The following PTPRD variants were observed in gnomAD, a reference collection of about 807,000 sequenced individuals.
PTPRD encodes the protein receptor-type tyrosine-protein phosphatase delta.
A neutral mutation model predicts 214.5 loss-of-function variants in PTPRD; 34 were observed. That is an observed-to-expected ratio of 0.16 (90% CI 0.12 to 0.21). The LOEUF is 0.21. Among genes scored for constraint, PTPRD ranks in the 10% least tolerant of loss-of-function variants. PTPRD has a pLI of 1.00. For missense variants in PTPRD, 2,545 were observed against 2,398.7 expected (o/e 1.06, Z -1.27); for synonymous variants, 1,128 against 845.7 (o/e 1.33, Z -5.79).
intron 12 of PTPRD, among the ~76,000 whole-genome samples, chr9:8,666,824 C>G (rs569171804): frequency 4.6e-5 from 7 of 152,154 alleles, no homozygotes; most frequent in Non-Finnish European, 1.0e-4. Context: ...CTGGATTCAA[C>G]AATACATATC....
intron 8 of PTPRD, among the ~76,000 whole-genome samples, chr9:9,567,616 G>A (rs546063271): frequency 6.6e-6 from 1 of 151,960 alleles, no homozygotes; most frequent in African/African-American, 2.4e-5. Context: ...GAAGGATGTA[G>A]TACACCAACA....
intron 3 of PTPRD, among the ~76,000 whole-genome samples, chr9:10,093,480 T>G (rs971091436): frequency 4.9e-4 from 74 of 151,516 alleles, no homozygotes; most frequent in African/African-American, 1.7e-3. Context: ...AAAACGGGAA[T>G]GCTTATACTC....
chr9:9,577,704 C>T (rs2089362936), intron 7 of PTPRD, among the ~76,000 whole-genome samples: 2 of 151,956 alleles, frequency 1.3e-5, no homozygotes, highest in Non-Finnish European at 2.9e-5. Flanking sequence ...AGAGTTTTAT[C>T]CTTGATAAAT....
intron 10 of PTPRD, among the ~76,000 whole-genome samples, chr9:9,088,581 GAAAAAAAA>G (rs533619970): frequency 6.1e-4 from 20 of 33,038 alleles, no homozygotes; most frequent in Admixed American, 1.6e-3. Flanking sequence ...CTTAGTCTCA[GAAAAAAAA>G]AAAAAAAAAA....
chr9:8,772,182 C>A (rs933144508), intron 11 of PTPRD, among the ~76,000 whole-genome samples: 3 of 151,932 alleles, frequency 2.0e-5, no homozygotes, highest in African/African-American at 4.8e-5. Flanking sequence ...GGCCAGAACT[C>A]TTTTAAATTC....
At chr9:8,424,736 G>A (rs1056575544) in intron 35 of PTPRD, among the ~76,000 whole-genome samples, 1 of 152,140 alleles carries the variant, frequency 6.6e-6, no homozygotes, top group Non-Finnish European at 1.5e-5. Flanking sequence ...AATGAGTGAA[G>A]GGAGGAGGGA....
At chr9:8,994,392 G>GTCAATGAAAA (rs2099388623) in intron 11 of PTPRD, among the ~76,000 whole-genome samples, 1 of 152,134 alleles carries the variant, frequency 6.6e-6, no homozygotes, top group East Asian at 1.9e-4. Context: ...TGCTTAGTAA[G>GTCAATGAAAA]CAGTACATGT....
chr9:8,962,030 T>G (rs939949543), intron 11 of PTPRD: 14 of 152,154 alleles, frequency 9.2e-5, no homozygotes, highest in Non-Finnish European at 1.5e-5. Flanking sequence ...CTCCCCTTTA[T>G]GTCAACATGG....
rs138020918 is a variant in PTPRD, at chr9:10,477,306, T to A, written c.-600+135092A>T. Among the ~76,000 whole-genome samples, 1,116 of 151,964 alleles carry A rather than the reference T, an allele frequency of 7.3e-3. 11 individuals are homozygous for A. Among genetic ancestry groups the A allele is most frequent in the Non-Finnish European group, 0.011 (757 of 67,960 alleles). On this transcript the variant is annotated intron_variant, in intron 2 of 45. Transcript: ENST00000381196. ...TACAAGAAAAAAATAAACAACCCCA[T>A]CAAAGAGTGGGTGAAATTTGTGAAC...
At chr9:9,445,073 G>A (rs1312491841) in intron 8 of PTPRD, among the ~76,000 whole-genome samples, 1 of 152,140 alleles carries the variant, frequency 6.6e-6, no homozygotes, top group East Asian at 1.9e-4. Flanking sequence ...CATGTGATAT[G>A]ACAATTTGTA....
chr9:10,573,032 G>C (rs557589424), intron 2 of PTPRD, among the ~76,000 whole-genome samples: 1 of 152,024 alleles, frequency 6.6e-6, no homozygotes, highest in Non-Finnish European at 1.5e-5. Flanking sequence ...AGTGATTGTT[G>C]AGTTGTCAAC....
At chr9:8,885,079 A>C (rs1046950186) in intron 11 of PTPRD, among the ~76,000 whole-genome samples, 7 of 152,206 alleles carry the variant, frequency 4.6e-5, no homozygotes, top group Non-Finnish European at 8.8e-5. Flanking sequence ...GTGTTGAATA[A>C]AATAGAAACA....
At position 10,479,050 on chromosome 9, in the gene PTPRD, T is replaced by C. The variant is rs550112754; in HGVS notation, c.-600+133348A>G. ...AACATTACACAATTTTCACAGAAGT[T>C]ACAGTGTAATTAAGTCAGAAGCAAA... On this transcript the variant is annotated intron_variant, in intron 2 of 45. Transcript: ENST00000381196. Among the ~76,000 whole-genome samples, 3 of 152,244 alleles carry C rather than the reference T, an allele frequency of 2.0e-5. No homozygotes were observed. The South Asian group carries it at 6.2e-4, about 32-fold the overall frequency.
intron 5 of PTPRD, among the ~76,000 whole-genome samples, chr9:9,866,749 T>G (rs1017781711): frequency 3.9e-5 from 6 of 152,134 alleles, no homozygotes; most frequent in African/African-American, 7.2e-5. Context: ...ATTTTATGAC[T>G]GTATTTATAT....
At chr9:8,921,135 A>G (rs1030535160) in intron 11 of PTPRD, among the ~76,000 whole-genome samples, 3 of 152,088 alleles carry the variant, frequency 2.0e-5, no homozygotes, top group Admixed American at 6.5e-5. Flanking sequence ...TTTCTGTCTC[A>G]AACCAGGAAG....
intron 2 of PTPRD, among the ~76,000 whole-genome samples, chr9:10,576,505 A>T (rs559039509): frequency 1.3e-5 from 2 of 152,314 alleles, no homozygotes; most frequent in East Asian, 3.9e-4. Context: ...TTGCAAAAAC[A>T]TAATGTTGCA....
chr9:9,909,289 G>C (rs1009496145), intron 5 of PTPRD, among the ~76,000 whole-genome samples: 1 of 150,524 alleles, frequency 6.6e-6, no homozygotes, highest in Non-Finnish European at 1.5e-5. Context: ...TGATGAATGG[G>C]ATTTTAGGTT....
intron 10 of PTPRD, among the ~76,000 whole-genome samples, chr9:9,053,631 T>C (rs1339393011): frequency 1.3e-5 from 2 of 152,178 alleles, no homozygotes; most frequent in African/African-American, 2.4e-5. Flanking sequence ...TGTGAGATAT[T>C]AAATTATTAA....
At chr9:8,626,255 G>A (rs1346233555) in intron 14 of PTPRD, among the ~76,000 whole-genome samples, 1 of 151,840 alleles carries the variant, frequency 6.6e-6, no homozygotes, top group Non-Finnish European at 1.5e-5. Context: ...ATGAATGACT[G>A]TTTGATAGAT....
Sources: allele counts gnomAD v4.1 joint callset (sites outside exome capture counted in the v4.1 genomes callset), GRCh38; gene constraint gnomAD v4.1.1; transcripts MANE v1.5; gene names NCBI Gene and HGNC (gene_info 2026-07-23, HGNC 2026-07-21).